Variants in NBEA observed in about 807,000 individuals in gnomAD.
NBEA encodes neurobeachin, also known as lysosomal-trafficking regulator 2.
NBEA carries 44 observed loss-of-function variants against 343.4 expected under a neutral mutation model. That is an observed-to-expected ratio of 0.13 (90% CI 0.10 to 0.16). NBEA has a LOEUF of 0.16. Among genes scored for constraint, NBEA ranks in the 10% least tolerant of loss-of-function variants. NBEA has a pLI of 1.00. For missense variants in NBEA, 2,555 were observed against 3,631.3 expected (o/e 0.70, Z 7.62); for synonymous variants, 1,175 against 1,238.7 (o/e 0.95, Z 1.08).
chr13:35,153,634 T>C (rs1266200994), intron 18 of NBEA, among the ~76,000 whole-genome samples: 1 of 152,206 alleles, frequency 6.6e-6, no homozygotes, highest in Non-Finnish European at 1.5e-5. Flanking sequence ...AGCAGTTTTA[T>C]TAGATAGGCA....
chr13:35,163,592 C>T (rs2152714882), intron 23 of NBEA, among the ~76,000 whole-genome samples: 1 of 150,116 alleles, frequency 6.7e-6, no homozygotes, highest in East Asian at 2.0e-4. Context: ...ACACTCTAGC[C>T]TGGGTGACAG....
intron 41 of NBEA, among the ~76,000 whole-genome samples, chr13:35,492,286 A>C (rs2076530820): frequency 6.6e-6 from 1 of 151,954 alleles, no homozygotes; most frequent in African/African-American, 2.4e-5. Flanking sequence ...TCTCACACTA[A>C]AGAACTTACT....
chr13:35,219,770 C>T lies in NBEA; in HGVS notation c.5648+8591C>T, dbSNP rs185960739. ...AAGAGCCGATGTTTCCGTCTGAGTCCAAAGGCCAAGAAGAGACCAGTACTC... is the reference window on the plus strand; with the variant it reads ...AAGAGCCGATGTTTCCGTCTGAGTCTAAAGGCCAAGAAGAGACCAGTACTC... On this transcript the variant is annotated intron_variant, in intron 33 of 58. Coordinates refer to ENST00000379939, the MANE Select transcript of NBEA (RefSeq NM_001385012.1). 1.5e-3 allele frequency among the ~76,000 whole-genome samples: 230 copies of T among 152,162 alleles called. 1 individual carries two copies. Among genetic ancestry groups the T allele is most frequent in the African/African-American group, 5.4e-3 (224 of 41,536 alleles).
chr13:35,106,816 A>T (rs1364635379), intron 11 of NBEA, among the ~76,000 whole-genome samples: 1 of 151,672 alleles, frequency 6.6e-6, no homozygotes, highest in Non-Finnish European at 1.5e-5. Flanking sequence ...CTTCTAGTAT[A>T]CCTTTTAATA....
chr13:35,009,823 C>T (rs1237637019), intron 1 of NBEA, among the ~76,000 whole-genome samples: 1 of 152,112 alleles, frequency 6.6e-6, no homozygotes, highest in Non-Finnish European at 1.5e-5. Flanking sequence ...AGGGTGCTAG[C>T]AGTGCAAGTA....
chr13:35,080,554 G>A (rs781528365), intron 10 of NBEA, among the ~76,000 whole-genome samples: 4 of 152,144 alleles, frequency 2.6e-5, no homozygotes, highest in Non-Finnish European at 4.4e-5. Flanking sequence ...GCTGGAAGAA[G>A]AAAATATTTT....
intron 55 of NBEA, among the ~76,000 whole-genome samples, chr13:35,663,784 ACT>A (rs2085217351): frequency 6.6e-6 from 1 of 152,186 alleles, no homozygotes; most frequent in Non-Finnish European, 1.5e-5. Flanking sequence ...ATAAATGGAC[ACT>A]CTACCAATAG....
intron 36 of NBEA, among the ~76,000 whole-genome samples, chr13:35,331,033 G>C (rs1259251344): frequency 2.6e-5 from 4 of 151,978 alleles, no homozygotes; most frequent in Non-Finnish European, 4.4e-5. Context: ...TGAACATGAA[G>C]AATTGATATG....
chr13:34,947,259 G>A (rs1042213677), intron 1 of NBEA, among the ~76,000 whole-genome samples: 1 of 152,056 alleles, frequency 6.6e-6, no homozygotes, highest in African/African-American at 2.4e-5. Flanking sequence ...CACTAAGGCA[G>A]CAAATATTCT....
chr13:35,216,362 T>C (rs1157928260), intron 33 of NBEA, among the ~76,000 whole-genome samples: 3 of 151,960 alleles, frequency 2.0e-5, no homozygotes, highest in African/African-American at 7.2e-5. Flanking sequence ...TGCTTATGTA[T>C]TGCCTATCAC....
intron 39 of NBEA, among the ~76,000 whole-genome samples, chr13:35,436,948 C>G (rs974172537): frequency 2.0e-5 from 3 of 152,114 alleles, no homozygotes; most frequent in Non-Finnish European, 4.4e-5. Context: ...GCTTAAATTA[C>G]TTAGAAAGAA....
intron 38 of NBEA, among the ~76,000 whole-genome samples, chr13:35,363,894 A>C (rs1257013134): frequency 6.6e-6 from 1 of 151,880 alleles, no homozygotes; most frequent in South Asian, 2.1e-4. Context: ...TGATTGAATA[A>C]ATAGGAAAGA....
intron 1 of NBEA, among the ~76,000 whole-genome samples, chr13:35,026,128 T>C (rs1323603002): frequency 6.6e-6 from 1 of 152,110 alleles, no homozygotes; most frequent in East Asian, 1.9e-4. Flanking sequence ...GTGAGTCTTA[T>C]GAGATCTGAT....
intron 24 of NBEA, among the ~76,000 whole-genome samples, chr13:35,166,796 A>T (rs1021802550): frequency 6.6e-6 from 1 of 152,052 alleles, no homozygotes; most frequent in Non-Finnish European, 1.5e-5. Flanking sequence ...AAAAGTTGGG[A>T]AAGAGGAGGT....
chr13:35,305,273 A>G (rs534079912), intron 35 of NBEA, among the ~76,000 whole-genome samples: 1 of 152,320 alleles, frequency 6.6e-6, no homozygotes, highest in Non-Finnish European at 1.5e-5. Context: ...CATGTTAAGT[A>G]TTCTGTCAGC....
At chr13:35,147,435 C>G (rs772885268) in intron 18 of NBEA, among the ~76,000 whole-genome samples, 1 of 152,178 alleles carries the variant, frequency 6.6e-6, no homozygotes, top group African/African-American at 2.4e-5. Context: ...GGCTACCTCC[C>G]TAAGTGGACA....
At chr13:35,402,881 T>G (rs1234752887) in intron 38 of NBEA, among the ~76,000 whole-genome samples, 5 of 152,076 alleles carry the variant, frequency 3.3e-5, no homozygotes, top group Non-Finnish European at 7.4e-5. Context: ...TATTTTCCTT[T>G]TTGGGCTAAA....
intron 1 of NBEA, among the ~76,000 whole-genome samples, chr13:35,005,346 A>T (rs117718644): frequency 0.046 from 6,952 of 151,768 alleles, 236 homozygotes; most frequent in Non-Finnish European, 0.067. Flanking sequence ...TGTGATGCAA[A>T]CTCACTGTGT....
At chr13:35,298,247 A>G (rs950834258) in intron 35 of NBEA, among the ~76,000 whole-genome samples, 2 of 102,178 alleles carry the variant, frequency 2.0e-5, no homozygotes, top group East Asian at 5.6e-4. Context: ...ATATATATAT[A>G]TGTATATGCT....
Sources: allele counts gnomAD v4.1 joint callset (sites outside exome capture counted in the v4.1 genomes callset), GRCh38; gene constraint gnomAD v4.1.1; transcripts MANE v1.5; gene names NCBI Gene and HGNC (gene_info 2026-07-23, HGNC 2026-07-21).